PFKFB1: variants seen among roughly 807,000 people sequenced by gnomAD.
The protein encoded by PFKFB1 is 6-phosphofructo-2-kinase/fructose-2,6-biphosphatase 1, also known as 6-phosphofructo-2-kinase/fructose-2,6-bisphosphatase 1.
Under a neutral mutation model 46.4 loss-of-function variants are expected in PFKFB1, and 34 were observed. The ratio of observed to expected loss-of-function variants is 0.73; its 90% CI spans 0.56 to 0.98. The LOEUF is 0.98. PFKFB1 is among the 50% of genes least tolerant of loss of function. PFKFB1 has a pLI of 0.00. For synonymous variants in PFKFB1, 119 were observed against 133.8 expected (o/e 0.89, Z 0.76); for missense variants, 393 against 376.3 (o/e 1.04, Z -0.37).
intron 1 of PFKFB1, among the ~76,000 whole-genome samples, chrX:54,983,485 A>C (rs1410863677): frequency 1.8e-5 from 2 of 112,022 alleles, no homozygotes; most frequent in Admixed American, 9.4e-5. Flanking sequence ...ATGTCCCTGC[A>C]AAGGACATGA....
chrX:54,935,060 C>T (rs1464387582), intron 11 of PFKFB1, 51 bp from the exon 12 acceptor site: 2 of 952,502 alleles, frequency 2.1e-6, no homozygotes, highest in African/African-American at 3.8e-5. Flanking sequence ...GGCCAGGACA[C>T]AGCCTCCCCA....
At chrX:54,959,708 T>C (rs1293538550) in intron 4 of PFKFB1, 119 bp downstream of exon 4, 1 of 486,197 alleles carries the variant, frequency 2.1e-6, no homozygotes, top group East Asian at 3.7e-5. Flanking sequence ...AAAATTAAAT[T>C]ATTAATATAT....
At chrX:54,957,580 A>G (rs1397986251) in intron 6 of PFKFB1, among the ~76,000 whole-genome samples, 2 of 111,423 alleles carry the variant, frequency 1.8e-5, no homozygotes, top group Admixed American at 9.6e-5. Flanking sequence ...GACATGCTGT[A>G]TGTCCCAAAA....
At chrX:54,990,004 G>C (rs1935201070) in intron 1 of PFKFB1, among the ~76,000 whole-genome samples, 1 of 111,377 alleles carries the variant, frequency 9.0e-6, no homozygotes, top group African/African-American at 3.3e-5. Flanking sequence ...CCATACGATT[G>C]TGAATCTGTG....
intron 8 of PFKFB1, among the ~76,000 whole-genome samples, chrX:54,949,434 G>A (rs1345864185): frequency 9.3e-6 from 1 of 107,539 alleles, no homozygotes; most frequent in Non-Finnish European, 1.9e-5. Context: ...CAGAGAGAGA[G>A]AGAGAGAGAG....
chrX:54,961,774 T>C (rs1468426397), intron 2 of PFKFB1, among the ~76,000 whole-genome samples: 2 of 112,119 alleles, frequency 1.8e-5, no homozygotes, highest in Admixed American at 9.5e-5. Flanking sequence ...CTAATTGTAC[T>C]TGGAATGATC....
rs1279508649 is a variant in PFKFB1 at position 54,963,301 on chromosome X, G to T, written c.179C>A (p.Thr60Lys). 4 of 1,208,596 alleles carry T rather than the reference G, an allele frequency of 3.3e-6. No homozygotes were observed. In the Admixed American group the frequency reaches 8.7e-5, roughly 26 times the overall value. Residue 60 changes from threonine (T) to lysine (K), a missense_variant, in exon 2 of 14, where the codon ACA becomes AAA. Physicochemically the swap from Thr to Lys is moderately conservative, Grantham distance 78. Transcript: ENST00000375006. ...CCAGTTGAGATATCGTGTGAGCTTT[G>T]TGGAGATATAGGTCTTGCCTCGAGC... ...LPARGKTYIS[T>K]KLTRYLNWIG...
At chrX:54,939,904 T>G (rs1401436003) in intron 10 of PFKFB1, among the ~76,000 whole-genome samples, 1 of 111,929 alleles carries the variant, frequency 8.9e-6, no homozygotes, top group Admixed American at 9.5e-5. Context: ...GAGGCCAGCA[T>G]CATCCTGATA....
At chrX:54,962,065 G>A (rs1934329679) in intron 2 of PFKFB1, among the ~76,000 whole-genome samples, 1 of 111,374 alleles carries the variant, frequency 9.0e-6, no homozygotes, top group Non-Finnish European at 1.9e-5. Context: ...GAGGCCACAG[G>A]CATGTTCAGC....
At chrX:54,960,374 C>A (rs1934274449) in intron 3 of PFKFB1, among the ~76,000 whole-genome samples, 1 of 112,555 alleles carries the variant, frequency 8.9e-6, no homozygotes, top group Non-Finnish European at 1.9e-5. Flanking sequence ...AAGGCACAGG[C>A]TCTATTCTGC....
At position 54,958,170 on chromosome X, in the gene PFKFB1, T is replaced by C. The variant is rs181385783; in HGVS notation, c.516+136A>G. On this transcript the variant is annotated intron_variant, in intron 6 of 13. Coordinates refer to ENST00000375006, the MANE Select transcript of PFKFB1 (RefSeq NM_002625.4). ...CAGGATGGTTAGGGAATGCTTCCTA[T>C]GAAAACTCAGAGAAGATCAGGGAGG... 4.6e-3 allele frequency: 1,843 copies of C among 402,042 alleles called. 3 individuals are homozygous for C. The highest frequency in any genetic ancestry group is 4.8e-3 in the Non-Finnish European group (1,091 of 225,971). The allele number at this position is 402,042 out of a possible 1,213,427, so 33.1% of individuals were successfully genotyped here. A position where few individuals can be genotyped will look rare whatever the true frequency, so the allele number is the denominator to read the frequency against.
chrX:54,953,049 G>A (rs1400212854), intron 7 of PFKFB1, among the ~76,000 whole-genome samples: 1 of 111,709 alleles, frequency 9.0e-6, no homozygotes, highest in African/African-American at 3.3e-5. Flanking sequence ...GAAGCTGAAG[G>A]GTGGAGTATA....
chrX:54,956,046 G>A (rs1350701704), intron 7 of PFKFB1, 107 bp downstream of exon 7: 26 of 483,806 alleles, frequency 5.4e-5, no homozygotes, highest in Non-Finnish European at 8.5e-5. Context: ...TGATATTACA[G>A]ATAGAGAAGT....
intron 1 of PFKFB1, among the ~76,000 whole-genome samples, chrX:54,993,568 C>G (rs1167819263): frequency 8.9e-6 from 1 of 112,051 alleles, no homozygotes; most frequent in Non-Finnish European, 1.9e-5. Context: ...CAAAATGAAA[C>G]ATACTAGGCT....
chrX:54,976,125 A>G (rs1411906543), intron 1 of PFKFB1, among the ~76,000 whole-genome samples: 1 of 111,781 alleles, frequency 8.9e-6, no homozygotes, highest in Non-Finnish European at 1.9e-5. Context: ...TTATTTACGA[A>G]AAATTTTAAA....
intron 1 of PFKFB1, among the ~76,000 whole-genome samples, chrX:54,978,234 A>T (rs761144815): frequency 2.7e-5 from 3 of 111,779 alleles, no homozygotes; most frequent in Non-Finnish European, 5.7e-5. Context: ...AAGGTGACCA[A>T]CAAAATAAAT....
At chrX:54,963,702 G>A (rs1194280018) in intron 1 of PFKFB1, among the ~76,000 whole-genome samples, 1 of 112,240 alleles carries the variant, frequency 8.9e-6, no homozygotes, top group Non-Finnish European at 1.9e-5. Flanking sequence ...GGCTGGTTAT[G>A]GGCTAGTGTG....
chrX:54,964,259 C>CCT (rs1232172399), intron 1 of PFKFB1, among the ~76,000 whole-genome samples: 2 of 110,921 alleles, frequency 1.8e-5, no homozygotes, highest in African/African-American at 6.6e-5. Context: ...CCAGGGTAAG[C>CCT]CTGCCTAAGA....
At chrX:54,984,881 G>C (rs1017415298) in intron 1 of PFKFB1, among the ~76,000 whole-genome samples, 3 of 110,575 alleles carry the variant, frequency 2.7e-5, no homozygotes, top group Non-Finnish European at 5.7e-5. Context: ...GGTGCAATAG[G>C]CTAAGAATAC....
Sources: allele counts gnomAD v4.1 joint callset (sites outside exome capture counted in the v4.1 genomes callset), GRCh38; gene constraint gnomAD v4.1.1; transcripts MANE v1.5; gene names NCBI Gene and HGNC (gene_info 2026-07-23, HGNC 2026-07-21).